The following FAR2 variants were observed in gnomAD, a reference collection of about 807,000 sequenced individuals.
The protein encoded by FAR2 is fatty acyl-CoA reductase 2.
Under a neutral mutation model 56.0 loss-of-function variants are expected in FAR2, and 19 were observed. The observed-to-expected ratio is 0.34, with a 90% CI of 0.24 to 0.50. The LOEUF (loss-of-function observed/expected upper bound fraction) is 0.50, where lower values mean the gene tolerates loss of function less well. FAR2 is among the 20% of genes least tolerant of loss of function. FAR2 has a pLI of 0.98. For synonymous variants in FAR2, 219 were observed against 218.8 expected (o/e 1.00, Z -0.01); for missense variants, 508 against 642.2 (o/e 0.79, Z 2.26).
intron 1 of FAR2, among the ~76,000 whole-genome samples, chr12:29,262,480 A>G (rs1227019572): frequency 3.3e-5 from 5 of 152,090 alleles, no homozygotes; most frequent in African/African-American, 9.7e-5. Context: ...AAAATACAAA[A>G]TTAGTCAGGC....
At chr12:29,241,783 C>T (rs1591882849) in intron 1 of FAR2, among the ~76,000 whole-genome samples, 1 of 152,170 alleles carries the variant, frequency 6.6e-6, no homozygotes, top group Admixed American at 6.5e-5. Context: ...GGTTGCTTGC[C>T]GTTTTTCCTG....
At chr12:29,304,518 C>G (rs974381047) in intron 4 of FAR2, among the ~76,000 whole-genome samples, 6 of 152,310 alleles carry the variant, frequency 3.9e-5, no homozygotes, top group African/African-American at 1.4e-4. Flanking sequence ...CCACTACTTA[C>G]TCTCTAACAG....
At chr12:29,296,063 C>T (rs1157467475) in intron 3 of FAR2, among the ~76,000 whole-genome samples, 1 of 152,076 alleles carries the variant, frequency 6.6e-6, no homozygotes, top group Non-Finnish European at 1.5e-5. Flanking sequence ...CCACCGCGCC[C>T]GGCCTTTTAA....
chr12:29,212,178 T>C (rs1591855698), intron 1 of FAR2, among the ~76,000 whole-genome samples: 1 of 152,162 alleles, frequency 6.6e-6, no homozygotes, highest in East Asian at 1.9e-4. Context: ...TAAAATTATA[T>C]GAATCTAATC....
At chr12:29,210,881 G>A (rs1343679837) in intron 1 of FAR2, among the ~76,000 whole-genome samples, 1 of 152,156 alleles carries the variant, frequency 6.6e-6, no homozygotes, top group Admixed American at 6.5e-5. Flanking sequence ...GGGATGCGGA[G>A]GCTGCAGTGA....
chr12:29,307,633 G>T, intron 4 of FAR2, 25 bp from the exon 5 acceptor site: 2 of 1,576,020 alleles, frequency 1.3e-6, no homozygotes, highest in Non-Finnish European at 8.6e-7. Flanking sequence ...TATGTTACTA[G>T]AATTCTCTTT....
intron 1 of FAR2, among the ~76,000 whole-genome samples, chr12:29,160,848 A>G (rs1387950704): frequency 1.3e-5 from 2 of 151,982 alleles, no homozygotes; most frequent in Non-Finnish European, 2.9e-5. Context: ...GTATGACCTC[A>G]TCTTAACTAA....
At chr12:29,260,155 G>A (rs977494295) in intron 1 of FAR2, among the ~76,000 whole-genome samples, 3 of 152,252 alleles carry the variant, frequency 2.0e-5, no homozygotes, top group East Asian at 3.9e-4. Flanking sequence ...ATATGAAATT[G>A]GATTTCAGGG....
chr12:29,211,790 G>A (rs531745984), intron 1 of FAR2, among the ~76,000 whole-genome samples: 1 of 151,514 alleles, frequency 6.6e-6, no homozygotes, highest in African/African-American at 2.4e-5. Context: ...CTCAGAATGT[G>A]ACTTTATTTG....
chr12:29,216,304 T>C (rs1394243462), intron 1 of FAR2, among the ~76,000 whole-genome samples: 1 of 152,204 alleles, frequency 6.6e-6, no homozygotes, highest in East Asian at 1.9e-4. Context: ...TCTATTTCAC[T>C]GGTATCTTCA....
At chr12:29,319,215 T>C (rs1949513686) in intron 9 of FAR2, among the ~76,000 whole-genome samples, 1 of 152,050 alleles carries the variant, frequency 6.6e-6, no homozygotes, top group African/African-American at 2.4e-5. Context: ...GGTCTCGAAC[T>C]CCTGACCTCA....
chr12:29,257,050 G>A (rs2136686339), intron 1 of FAR2, among the ~76,000 whole-genome samples: 1 of 152,384 alleles, frequency 6.6e-6, no homozygotes, highest in Non-Finnish European at 1.5e-5. Flanking sequence ...GGACTGGCAG[G>A]TAGCTCCATC....
In FAR2 at chr12:29,321,875, C is replaced by A; in HGVS notation, c.1208C>A (p.Thr403Lys). ...YFINRSWEWS[T>K]YNTEMLMSEL... ...ATCAACCGGAGTTGGGAATGGAGCA[C>A]GTACAATACAGAAATGCTGATGTCT... The change falls in exon 10 of 12, where the codon ACG becomes AAG. Residue 403 changes from threonine (T) to lysine (K), a missense_variant. Transcript: ENST00000536681. The A allele has an allele frequency of 6.2e-7, 1 of 1,613,628 alleles. No individual in the cohort carries two copies. Among genetic ancestry groups the A allele is most frequent in the Non-Finnish European group, 8.5e-7 (1 of 1,179,772 alleles).
rs1591979348 is a variant in FAR2 at position 29,332,536 on chromosome 12, A to G, written c.1258-64A>G. On this transcript the variant is annotated intron_variant, in intron 10 of 11. Transcript: ENST00000536681. ...CACTCGTCTATGTAGAAGAAACCTCAAGTGGACAAAGTGACTGTCCAGCAC... is the reference window on the plus strand; with the variant it reads ...CACTCGTCTATGTAGAAGAAACCTCGAGTGGACAAAGTGACTGTCCAGCAC... 2.5e-6 allele frequency: 4 copies of G among 1,601,938 alleles called. No individual in the cohort carries two copies. The East Asian group carries it at 8.9e-5, about 36-fold the overall frequency.
At chr12:29,259,535 G>C (rs1050673456) in intron 1 of FAR2, among the ~76,000 whole-genome samples, 1 of 152,082 alleles carries the variant, frequency 6.6e-6, no homozygotes. Flanking sequence ...GTTCCCATAT[G>C]CTGAAACCTG....
chr12:29,274,150 G>A (rs1457692487), intron 2 of FAR2, among the ~76,000 whole-genome samples: 2 of 151,138 alleles, frequency 1.3e-5, no homozygotes, highest in African/African-American at 4.9e-5. Context: ...CCATTAACTC[G>A]TCATTTAACA....
chr12:29,250,296 C>T (rs1251024950), intron 1 of FAR2, among the ~76,000 whole-genome samples: 1 of 152,080 alleles, frequency 6.6e-6, no homozygotes, highest in African/African-American at 2.4e-5. Context: ...CTGGTCAGAC[C>T]AGTTGGATCC....
intron 11 of FAR2, 52 bp downstream of exon 11, chr12:29,332,779 T>A: frequency 6.6e-7 from 1 of 1,509,284 alleles, no homozygotes; most frequent in Non-Finnish European, 9.1e-7. Context: ...GTGCATCGAC[T>A]TTATACCAGA....
At chr12:29,217,310 G>A (rs556744014) in intron 1 of FAR2, among the ~76,000 whole-genome samples, 2 of 152,276 alleles carry the variant, frequency 1.3e-5, no homozygotes, top group East Asian at 3.9e-4. Context: ...TCTGAAGAAA[G>A]GAGAAACAAG....
Sources: gnomAD v4.1 joint callset for allele counts (sites outside exome capture counted in the v4.1 genomes callset) on GRCh38, gnomAD v4.1.1 for gene constraint, MANE v1.5 for transcripts, NCBI Gene and HGNC (gene_info 2026-07-23, HGNC 2026-07-21) for gene names.